AFG1L: variants seen among roughly 807,000 people sequenced by gnomAD.
The protein encoded by AFG1L is AFG1 like ATPase, also known as AFG1-like ATPase.
In AFG1L, 53 loss-of-function variants were observed where a neutral mutation model predicts 62.2. The observed-to-expected ratio is 0.85, with a 90% CI of 0.68 to 1.07. The LOEUF is 1.07. Ranked by LOEUF, AFG1L falls within the 50% of genes least tolerant of loss-of-function variation. The pLI, the probability that AFG1L is intolerant of heterozygous loss-of-function variation, is 0.00. For missense variants in AFG1L, 555 were observed against 590.5 expected, an observed-to-expected ratio of 0.94 and a Z score of 0.62; for synonymous variants, 228 against 210.3, an observed-to-expected ratio of 1.08 and a Z score of -0.73.
chr6:108,485,625 AATATATATATATATATAT>A (rs35609301), intron 10 of AFG1L, among the ~76,000 whole-genome samples: 4 of 12,156 alleles, frequency 3.3e-4, no homozygotes, highest in South Asian at 5.3e-3. Flanking sequence ...TACGAATTTA[AATATATATATATATATAT>A]ATATATATAT....
At chr6:108,341,177 A>G (rs1778667509) in intron 2 of AFG1L, among the ~76,000 whole-genome samples, 1 of 152,160 alleles carries the variant, frequency 6.6e-6, no homozygotes, top group Admixed American at 6.5e-5. Context: ...TATCATTTAT[A>G]TATGATTTTA....
chr6:108,362,748 C>G (rs1779596106), intron 5 of AFG1L, among the ~76,000 whole-genome samples: 1 of 152,166 alleles, frequency 6.6e-6, no homozygotes, highest in Non-Finnish European at 1.5e-5. Context: ...TTACCAGTAA[C>G]AGCTATGCTA....
intron 10 of AFG1L, among the ~76,000 whole-genome samples, chr6:108,483,517 A>C (rs574974657): frequency 6.6e-6 from 1 of 152,352 alleles, no homozygotes; most frequent in South Asian, 2.1e-4. Flanking sequence ...GCCAAAGCTA[A>C]ATTCTAAAGG....
chr6:108,427,577 A>G (rs1402640835), intron 7 of AFG1L, among the ~76,000 whole-genome samples: 1 of 135,816 alleles, frequency 7.4e-6, no homozygotes, highest in Non-Finnish European at 1.5e-5. Flanking sequence ...GTTGGAGTGC[A>G]GTGGCATAAT....
chr6:108,333,189 C>T (rs906818298), intron 2 of AFG1L, among the ~76,000 whole-genome samples: 1 of 151,350 alleles, frequency 6.6e-6, no homozygotes, highest in Non-Finnish European at 1.5e-5. Flanking sequence ...GCGGGCAGAT[C>T]ACCTGAGGTC....
At position 108,462,034 on chromosome 6, in the gene AFG1L, G is replaced by A. The variant is rs542635525; in HGVS notation, c.890+14738G>A. The stretch of plus-strand genomic sequence containing the variant: ...GGCGTGAACCTGGGAGGTGGAGCTT[G>A]CAGTGAGCCGAGATTGTACCACTGC... On this transcript the variant is annotated intron_variant, in intron 8 of 12. Transcript: ENST00000368977. Among the ~76,000 whole-genome samples the A allele has an allele frequency of 1.2e-4, 19 of 152,130 alleles. No individual in the cohort carries two copies. In the East Asian group the frequency reaches 3.3e-3, roughly 26 times the overall value.
intron 2 of AFG1L, among the ~76,000 whole-genome samples, chr6:108,339,121 A>G (rs953426260): frequency 6.6e-6 from 1 of 151,860 alleles, no homozygotes; most frequent in Non-Finnish European, 1.5e-5. Context: ...TGATTGATTT[A>G]TAAAAGCTCT....
At chr6:108,320,230 C>T (rs1777767491) in intron 1 of AFG1L, among the ~76,000 whole-genome samples, 1 of 152,132 alleles carries the variant, frequency 6.6e-6, no homozygotes, top group Non-Finnish European at 1.5e-5. Context: ...CAGAGTCATA[C>T]ATCAGTACAT....
intron 10 of AFG1L, among the ~76,000 whole-genome samples, chr6:108,499,803 T>A (rs75902471): frequency 0.047 from 7,093 of 152,016 alleles, 515 homozygotes; most frequent in African/African-American, 0.16. Flanking sequence ...GGAATTTTTT[T>A]AAAAAAATAA....
chr6:108,346,324 C>T (rs1778862488), intron 2 of AFG1L, among the ~76,000 whole-genome samples: 1 of 152,014 alleles, frequency 6.6e-6, no homozygotes, highest in African/African-American at 2.4e-5. Context: ...CAATAATTCC[C>T]CATTCCTTCC....
intron 11 of AFG1L, among the ~76,000 whole-genome samples, chr6:108,519,188 G>C (rs1427137075): frequency 2.0e-5 from 3 of 152,128 alleles, no homozygotes; most frequent in Admixed American, 2.0e-4. Flanking sequence ...TGGAAGGAAT[G>C]GAAGGCAAAA....
intron 8 of AFG1L, among the ~76,000 whole-genome samples, chr6:108,465,205 G>A (rs1182904164): frequency 6.6e-6 from 1 of 152,032 alleles, no homozygotes. Flanking sequence ...TATTCTTGTG[G>A]CCCCAAAAGA....
chr6:108,399,372 G>C (rs957129856), intron 6 of AFG1L, among the ~76,000 whole-genome samples: 1 of 151,614 alleles, frequency 6.6e-6, no homozygotes, highest in Middle Eastern at 3.2e-3. Context: ...AGTTTTTGGA[G>C]AGACAGGGTT....
At chr6:108,468,638 T>C (rs547480295) in intron 8 of AFG1L, among the ~76,000 whole-genome samples, 3 of 152,228 alleles carry the variant, frequency 2.0e-5, no homozygotes, top group East Asian at 1.9e-4. Flanking sequence ...TTCTCATTCT[T>C]TTCTTCTCCC....
intron 6 of AFG1L, among the ~76,000 whole-genome samples, chr6:108,369,722 C>T (rs1164973756): frequency 6.6e-6 from 1 of 152,026 alleles, no homozygotes; most frequent in African/African-American, 2.4e-5. Context: ...AGTTCTCCTG[C>T]CCCAGTCTCC....
At chr6:108,372,426 T>C (rs1582460841) in intron 6 of AFG1L, among the ~76,000 whole-genome samples, 1 of 150,362 alleles carries the variant, frequency 6.7e-6, no homozygotes, top group African/African-American at 2.5e-5. Context: ...GCCTCCTGGG[T>C]TCAAGCGCCT....
chr6:108,454,569 T>C (rs1772179660), intron 8 of AFG1L, among the ~76,000 whole-genome samples: 1 of 152,190 alleles, frequency 6.6e-6, no homozygotes, highest in Non-Finnish European at 1.5e-5. Flanking sequence ...AAGCCATGAC[T>C]GAATGTTTAT....
chr6:108,457,489 G>T (rs1264130043), intron 8 of AFG1L, among the ~76,000 whole-genome samples: 2 of 150,564 alleles, frequency 1.3e-5, no homozygotes, highest in Admixed American at 6.6e-5. Context: ...TGCTTTTATT[G>T]TCTTTTTTGT....
chr6:108,494,582 A>G (rs990989665), intron 10 of AFG1L, among the ~76,000 whole-genome samples: 1 of 151,920 alleles, frequency 6.6e-6, no homozygotes, highest in Non-Finnish European at 1.5e-5. Context: ...TCCAAAGAAC[A>G]CCCTGAGAAG....
Sources: allele counts gnomAD v4.1 joint callset (sites outside exome capture counted in the v4.1 genomes callset), GRCh38; gene constraint gnomAD v4.1.1; transcripts MANE v1.5; gene names NCBI Gene and HGNC (gene_info 2026-07-23, HGNC 2026-07-21).